Variants in C1orf185 observed in about 807,000 individuals in gnomAD.
The protein encoded by C1orf185 is uncharacterized protein C1orf185.
Under a neutral mutation model 16.1 loss-of-function variants are expected in C1orf185, and 13 were observed. The observed-to-expected ratio is 0.81, with a 90% CI of 0.53 to 1.28. C1orf185 has a LOEUF of 1.28. C1orf185 is among the 50% of genes most tolerant of loss of function. C1orf185 has a pLI of 0.00. For missense variants in C1orf185, 220 were observed against 225.2 expected, an observed-to-expected ratio of 0.98 and a Z score of 0.15; for synonymous variants, 80 against 76.9, an observed-to-expected ratio of 1.04 and a Z score of -0.21.
intron 1 of C1orf185, among the ~76,000 whole-genome samples, chr1:51,105,461 A>G (rs950495809): frequency 6.6e-6 from 1 of 152,158 alleles, no homozygotes; most frequent in Admixed American, 6.5e-5. Flanking sequence ...AAAAATATGT[A>G]TGTCCTTCCT....
chr1:51,130,424 A>G (rs536642316), intron 3 of C1orf185, among the ~76,000 whole-genome samples: 184 of 151,260 alleles, frequency 1.2e-3, no homozygotes, highest in Admixed American at 3.4e-3. Context: ...GGCTCAAGTG[A>G]TCCTCCCACC....
At chr1:51,118,219 C>A (rs1043479406) in intron 2 of C1orf185, among the ~76,000 whole-genome samples, 2 of 152,220 alleles carry the variant, frequency 1.3e-5, no homozygotes, top group East Asian at 3.8e-4. Flanking sequence ...CGCACCAGCC[C>A]CTCTTACTTT....
chr1:51,111,313 C>T (rs1312456997), intron 1 of C1orf185, among the ~76,000 whole-genome samples: 1 of 149,996 alleles, frequency 6.7e-6, no homozygotes, highest in African/African-American at 2.5e-5. Flanking sequence ...TAGGTTTTTC[C>T]AATTGTAAAA....
intron 1 of C1orf185, among the ~76,000 whole-genome samples, chr1:51,107,964 A>G (rs1401139707): frequency 6.6e-6 from 1 of 152,208 alleles, no homozygotes; most frequent in Non-Finnish European, 1.5e-5. Flanking sequence ...ATTTTAGTAC[A>G]TGTTTTTGTG....
intron 3 of C1orf185, among the ~76,000 whole-genome samples, chr1:51,136,130 A>G (rs1646322015): frequency 6.6e-6 from 1 of 152,188 alleles, no homozygotes; most frequent in African/African-American, 2.4e-5. Context: ...AAGAAGAACT[A>G]CAAAACACTG....
chr1:51,147,924 T>C lies in C1orf185; in HGVS notation c.*153T>C. 1 of 677,394 alleles carries C rather than the reference T, an allele frequency of 1.5e-6. No homozygotes were observed. Among genetic ancestry groups the C allele is most frequent in the Non-Finnish European group, 2.3e-6 (1 of 434,946 alleles). 42.0% of individuals were successfully genotyped at this position (677,394 alleles called of 1,614,324 possible). ...GTCTCTTAACATGTCCATGCTAATA[T>C]TGCTTTTTTTGTTCTTTACCATAGA... On this transcript the variant is annotated 3_prime_UTR_variant, in exon 5 of 5. Transcript: ENST00000371759.
chr1:51,104,797 A>G (rs1304998125), intron 1 of C1orf185, among the ~76,000 whole-genome samples: 1 of 152,138 alleles, frequency 6.6e-6, no homozygotes, highest in Non-Finnish European at 1.5e-5. Context: ...CTTAAGTGTC[A>G]TTTCTAGAAA....
At chr1:51,122,849 A>G (rs377276051) in intron 3 of C1orf185, among the ~76,000 whole-genome samples, 4 of 152,112 alleles carry the variant, frequency 2.6e-5, no homozygotes, top group African/African-American at 9.7e-5. Flanking sequence ...GAATCACACA[A>G]TATGTAGTCT....
At chr1:51,142,432 T>A (rs1646370983) in intron 3 of C1orf185, among the ~76,000 whole-genome samples, 1 of 152,246 alleles carries the variant, frequency 6.6e-6, no homozygotes, top group African/African-American at 2.4e-5. Flanking sequence ...CATACAGTGT[T>A]TATCTGTGGA....
At chr1:51,121,076 G>A (rs1366752489) in intron 3 of C1orf185, among the ~76,000 whole-genome samples, 2 of 152,100 alleles carry the variant, frequency 1.3e-5, no homozygotes, top group African/African-American at 2.4e-5. Flanking sequence ...GTTAACACGT[G>A]TGTTATCTCA....
At chr1:51,107,519 A>G (rs1646082383) in intron 1 of C1orf185, among the ~76,000 whole-genome samples, 1 of 152,244 alleles carries the variant, frequency 6.6e-6, no homozygotes, top group South Asian at 2.1e-4. Flanking sequence ...TTAAATGTGC[A>G]TAAGTGAAAT....
At chr1:51,103,875 C>T (rs557971281) in intron 1 of C1orf185, among the ~76,000 whole-genome samples, 38 of 152,288 alleles carry the variant, frequency 2.5e-4, no homozygotes, top group African/African-American at 8.9e-4. Flanking sequence ...TTATTTATTG[C>T]TTGCTGTAAT....
In C1orf185 at chr1:51,103,052, T is replaced by C. The variant is rs182677811; in HGVS notation, c.16+803T>C. ...TAGGGTATATTTTAAGTTATTAATG[T>C]AGAGATTAATTGCATTATTGTCAGA... is the stretch of plus-strand genomic sequence containing the variant. On this transcript the variant is annotated intron_variant, in intron 1 of 4. Transcript: ENST00000371759. 4.0e-3 allele frequency among the ~76,000 whole-genome samples: 611 copies of C among 152,188 alleles called. 2 individuals carry two copies. Among genetic ancestry groups the C allele is most frequent in the Non-Finnish European group, 5.9e-3 (399 of 68,008 alleles).
chr1:51,133,959 G>A (rs1646304465), intron 3 of C1orf185, among the ~76,000 whole-genome samples: 1 of 152,172 alleles, frequency 6.6e-6, no homozygotes, highest in South Asian at 2.1e-4. Context: ...GCATGTGCCT[G>A]TAATCCCAGC....
intron 2 of C1orf185, among the ~76,000 whole-genome samples, chr1:51,115,799 C>T (rs112174050): frequency 0.016 from 2,492 of 152,118 alleles, 41 homozygotes; most frequent in Non-Finnish European, 0.02. Context: ...TGAGAGTTTA[C>T]GGTGTCTTGC....
chr1:51,118,935 G>A (rs1646178072), intron 3 of C1orf185, 134 bp downstream of exon 3: 1 of 662,324 alleles, frequency 1.5e-6, no homozygotes, highest in Admixed American at 4.1e-5. Flanking sequence ...ACTAGTTAGA[G>A]TTTATACTAT....
chr1:51,122,986 A>T (rs1167593841), intron 3 of C1orf185, among the ~76,000 whole-genome samples: 1 of 152,156 alleles, frequency 6.6e-6, no homozygotes, highest in Non-Finnish European at 1.5e-5. Context: ...TGGGTAATTT[A>T]TTAAAAACGA....
intron 1 of C1orf185, 111 bp from the exon 2 acceptor site, chr1:51,112,353 G>A (rs927266910): frequency 9.8e-6 from 8 of 820,036 alleles, no homozygotes; most frequent in Non-Finnish European, 1.5e-5. Context: ...CAATCTCCTG[G>A]TTAATGTCTT....
chr1:51,137,666 CA>C (rs1646336406), intron 3 of C1orf185, among the ~76,000 whole-genome samples: 1 of 152,142 alleles, frequency 6.6e-6, no homozygotes, highest in African/African-American at 2.4e-5. Flanking sequence ...GGCTTAAAAA[CA>C]GAAATACCAT....
Sources: gnomAD v4.1 joint callset for allele counts (sites outside exome capture counted in the v4.1 genomes callset) on GRCh38, gnomAD v4.1.1 for gene constraint, MANE v1.5 for transcripts, NCBI Gene and HGNC (gene_info 2026-07-23, HGNC 2026-07-21) for gene names.